The following GPHN variants were observed in gnomAD, a reference collection of about 807,000 sequenced individuals.
GPHN encodes the protein gephyrin.
In GPHN, 17 loss-of-function variants were observed where a neutral mutation model predicts 95.5. That is an observed-to-expected ratio of 0.18 (90% CI 0.12 to 0.27). The LOEUF (loss-of-function observed/expected upper bound fraction) is 0.27, where lower values mean the gene tolerates loss of function less well. Ranked by LOEUF, GPHN falls within the 10% of genes least tolerant of loss-of-function variation. The pLI, the probability that GPHN is intolerant of heterozygous loss-of-function variation, is 1.00. For missense variants in GPHN, 660 were observed against 978.1 expected (o/e 0.67, Z 4.34); for synonymous variants, 320 against 322.5 (o/e 0.99, Z 0.08).
chr14:67,672,175 G>C, the GPHN span, among the ~76,000 whole-genome samples: 3 of 150,534 alleles, frequency 2.0e-5, no homozygotes, highest in Non-Finnish European at 4.4e-5. Flanking sequence ...CTAGAGTGCA[G>C]TGGTGCGATC....
At chr14:67,375,318 C>T in the GPHN span, among the ~76,000 whole-genome samples, 3 of 151,090 alleles carry the variant, frequency 2.0e-5, no homozygotes, top group African/African-American at 7.3e-5. Flanking sequence ...TGTAGTGGCG[C>T]AATCTCAACT....
At chr14:67,360,496 T>C in the GPHN span, 2 of 331,068 alleles carry the variant, frequency 6.0e-6, no homozygotes, top group Non-Finnish European at 1.1e-5. Context: ...GAACTCACTT[T>C]GGTTTGTGTC....
chr14:66,644,880 T>A (rs924446275), intron 1 of GPHN, among the ~76,000 whole-genome samples: 5 of 152,144 alleles, frequency 3.3e-5, no homozygotes, highest in Non-Finnish European at 7.4e-5. Flanking sequence ...ATAGTAATAA[T>A]TTTTAGGTAA....
chr14:66,640,764 C>G (rs1021960284), intron 1 of GPHN, among the ~76,000 whole-genome samples: 2 of 152,178 alleles, frequency 1.3e-5, no homozygotes, highest in African/African-American at 4.8e-5. Flanking sequence ...CAAATTAGTA[C>G]TTCTGCTTAG....
intron 12 of GPHN, among the ~76,000 whole-genome samples, chr14:67,096,136 G>A: frequency 6.6e-6 from 1 of 152,062 alleles, no homozygotes. Flanking sequence ...AAACTTCTAT[G>A]TAGTTGTTTG....
chr14:66,958,478 A>G (rs778099783), intron 8 of GPHN, among the ~76,000 whole-genome samples: 4 of 152,178 alleles, frequency 2.6e-5, no homozygotes, highest in Non-Finnish European at 5.9e-5. Context: ...TTTTTATGCA[A>G]ATGTCACAGA....
chr14:66,539,325 CA>C (rs1351859067), intron 1 of GPHN, among the ~76,000 whole-genome samples: 2 of 151,742 alleles, frequency 1.3e-5, no homozygotes, highest in Non-Finnish European at 2.9e-5. Flanking sequence ...ACTTAGAATT[CA>C]GCAAATGTTC....
chr14:67,148,841 C>A (rs990858406), intron 18 of GPHN, among the ~76,000 whole-genome samples: 1 of 151,382 alleles, frequency 6.6e-6, no homozygotes, highest in Non-Finnish European at 1.5e-5. Flanking sequence ...GCTGGGATTA[C>A]AGGCGTGAGC....
the GPHN span, chr14:67,587,482 C>T: frequency 1.9e-6 from 1 of 526,644 alleles, no homozygotes; most frequent in East Asian, 3.5e-5. Context: ...ATAATGACTC[C>T]AGATGCTACC....
chr14:67,070,219 C>G (rs1347613517), intron 11 of GPHN, among the ~76,000 whole-genome samples: 24 of 151,736 alleles, frequency 1.6e-4, no homozygotes, highest in Non-Finnish European at 2.9e-5. Context: ...TTTATACTCC[C>G]TGCATTCTTC....
the GPHN span, among the ~76,000 whole-genome samples, chr14:67,418,688 G>T: frequency 2.6e-5 from 4 of 151,926 alleles, no homozygotes; most frequent in Admixed American, 2.0e-4. Flanking sequence ...GTGGAGTGAG[G>T]GGGTAGAGGA....
the GPHN span, chr14:67,555,985 CAGT>C: frequency 6.9e-7 from 1 of 1,459,432 alleles, no homozygotes; most frequent in Non-Finnish European, 9.4e-7. Context: ...ACATCACCAG[CAGT>C]ACTGTGTTAT....
intron 1 of GPHN, among the ~76,000 whole-genome samples, chr14:66,676,053 C>CAT (rs201617791): frequency 0.069 from 10,438 of 151,572 alleles, 377 homozygotes; most frequent in Middle Eastern, 0.1. Flanking sequence ...TTGTTACACA[C>CAT]ACATATATAT....
chr14:66,630,658 G>C, intron 1 of GPHN, among the ~76,000 whole-genome samples: 1 of 152,056 alleles, frequency 6.6e-6, no homozygotes. Context: ...TTTTTTAGTG[G>C]AAACGGAGTT....
chr14:66,614,184 A>G (rs1229954603), intron 1 of GPHN, among the ~76,000 whole-genome samples: 1 of 152,164 alleles, frequency 6.6e-6, no homozygotes, highest in African/African-American at 2.4e-5. Flanking sequence ...CATAACAGTA[A>G]AATAACTTTT....
the GPHN span, among the ~76,000 whole-genome samples, chr14:67,605,772 T>C: frequency 1.2e-4 from 18 of 152,114 alleles, no homozygotes; most frequent in African/African-American, 4.1e-4. Flanking sequence ...AACCTCTGCC[T>C]CCTGGGATCA....
chr14:67,639,058 A>C, the GPHN span, among the ~76,000 whole-genome samples: 1 of 152,216 alleles, frequency 6.6e-6, no homozygotes, highest in African/African-American at 2.4e-5. Context: ...CCCTTCTAGC[A>C]CCTGTAATGA....
the GPHN span, among the ~76,000 whole-genome samples, chr14:67,502,742 G>A: frequency 6.6e-6 from 1 of 151,906 alleles, no homozygotes; most frequent in Non-Finnish European, 1.5e-5. Context: ...GTGAGCCACC[G>A]CGCCGGGCCC....
At chr14:67,368,219 C>T in the GPHN span, among the ~76,000 whole-genome samples, 1 of 152,158 alleles carries the variant, frequency 6.6e-6, no homozygotes, top group Non-Finnish European at 1.5e-5. Context: ...AAACGGCTTG[C>T]AGTTGGCTAG....
Sources: allele counts gnomAD v4.1 joint callset (sites outside exome capture counted in the v4.1 genomes callset), GRCh38; gene constraint gnomAD v4.1.1; transcripts MANE v1.5; gene names NCBI Gene and HGNC (gene_info 2026-07-23, HGNC 2026-07-21).